VAV2: variants seen among roughly 807,000 people sequenced by gnomAD.
The protein encoded by VAV2 is guanine nucleotide exchange factor VAV2.
In VAV2, 67 loss-of-function variants were observed where a neutral mutation model predicts 132.5. That is an observed-to-expected ratio of 0.51 (90% CI 0.42 to 0.62). The LOEUF is 0.62. VAV2 is among the 20% of genes least tolerant of loss of function. The pLI, the probability that VAV2 is intolerant of heterozygous loss-of-function variation, is 0.00. For missense variants in VAV2, 938 were observed against 1,153.6 expected (o/e 0.81, Z 2.71); for synonymous variants, 492 against 443.5 (o/e 1.11, Z -1.37).
chr9:133,899,743 C>T (rs1588337697), intron 2 of VAV2, among the ~76,000 whole-genome samples: 3 of 143,682 alleles, frequency 2.1e-5, no homozygotes, highest in South Asian at 5.1e-4. Flanking sequence ...CTGGGTGTGC[C>T]GGGCGTGGTG....
At chr9:133,776,701 A>C (rs1273371138) in intron 23 of VAV2, among the ~76,000 whole-genome samples, 1 of 152,162 alleles carries the variant, frequency 6.6e-6, no homozygotes, top group Non-Finnish European at 1.5e-5. Context: ...TTGGTCACGC[A>C]AAGTGCCCTA....
intron 29 of VAV2, among the ~76,000 whole-genome samples, chr9:133,764,752 A>G (rs1564322512): frequency 6.6e-6 from 1 of 152,246 alleles, no homozygotes; most frequent in Non-Finnish European, 1.5e-5. Flanking sequence ...AATTGTGGAA[A>G]TAATATGAGG....
rs1445642950 is a variant in VAV2, at chr9:133,870,041, A to C, written c.322-8609T>G. Among the ~76,000 whole-genome samples the C allele has an allele frequency of 2.6e-5, 4 of 152,086 alleles. 1 individual carries two copies. On this transcript the variant is annotated intron_variant, in intron 2 of 29. Coordinates refer to ENST00000371850, the MANE Select transcript of VAV2 (RefSeq NM_001134398.2). Reference sequence around the variant, plus strand: ...TTTTTCTTGTGGAAAGCACGGACAGAAAAATTTGGGGTACTTGCCTTCAGA... The same window carrying C: ...TTTTTCTTGTGGAAAGCACGGACAGCAAAATTTGGGGTACTTGCCTTCAGA...
chr9:133,949,570 C>T (rs547273532), intron 1 of VAV2, among the ~76,000 whole-genome samples: 1 of 152,168 alleles, frequency 6.6e-6, no homozygotes, highest in Non-Finnish European at 1.5e-5. Flanking sequence ...CCTGCCCCCT[C>T]GAATGGCGGG....
At chr9:133,946,307 A>T (rs1309529461) in intron 1 of VAV2, among the ~76,000 whole-genome samples, 1 of 152,244 alleles carries the variant, frequency 6.6e-6, no homozygotes, top group Non-Finnish European at 1.5e-5. Context: ...TGGCCAGAGC[A>T]GCCCAGCAAC....
In VAV2 at chr9:133,885,550, A is replaced by G. The variant is rs924244160; in HGVS notation, c.322-24118T>C. Among the ~76,000 whole-genome samples, 4 of 152,220 alleles carry G rather than the reference A, an allele frequency of 2.6e-5. No homozygotes were observed. The highest frequency in any genetic ancestry group is 4.4e-5 in the Non-Finnish European group (3 of 68,042). On this transcript the variant is annotated intron_variant, in intron 2 of 29. Coordinates refer to ENST00000371850, the MANE Select transcript of VAV2 (RefSeq NM_001134398.2). This position sits in a 1 kb window ranked among gnomAD's most constrained non-coding sequence, Gnocchi z 5.0. ...TGCACCGCCAGGAGCGTGCAATGCCATTCAGATTTTACACAAGCAAGGTGC... is the reference window on the plus strand; with the variant it reads ...TGCACCGCCAGGAGCGTGCAATGCCGTTCAGATTTTACACAAGCAAGGTGC...
At chr9:133,800,875 A>G (rs925156348) in intron 9 of VAV2, among the ~76,000 whole-genome samples, 14 of 152,200 alleles carry the variant, frequency 9.2e-5, no homozygotes, top group African/African-American at 2.9e-4. Flanking sequence ...TCGTCTGTCA[A>G]AACTCTTCCC....
rs372692764 is a variant in VAV2, at chr9:133,934,574, T to C, written c.321+4529A>G. On this transcript the variant is annotated intron_variant, in intron 2 of 29. Coordinates refer to ENST00000371850, the MANE Select transcript of VAV2 (RefSeq NM_001134398.2). ...TGATTCCCTCTCCCTCTCCTGGAGC[T>C]GGGACTCTTGGTCTCCTGCCCCCAG... Among the ~76,000 whole-genome samples the C allele has an allele frequency of 2.3e-3, 357 of 152,358 alleles. 5 individuals are homozygous for C. The highest frequency in any genetic ancestry group is 8.0e-3 in the African/African-American group (332 of 41,582).
intron 4 of VAV2, among the ~76,000 whole-genome samples, chr9:133,817,480 C>T (rs532061979): frequency 1.1e-4 from 17 of 152,202 alleles, no homozygotes; most frequent in Admixed American, 1.0e-3. Flanking sequence ...TGGTGAAACC[C>T]CATCTCTACT....
chr9:133,990,148 C>T (rs1392717699), intron 1 of VAV2, among the ~76,000 whole-genome samples: 2 of 152,074 alleles, frequency 1.3e-5, no homozygotes, highest in Non-Finnish European at 2.9e-5. Context: ...TCAATCAGAG[C>T]GGAGAGCCAC....
intron 4 of VAV2, among the ~76,000 whole-genome samples, chr9:133,831,830 G>A (rs1164656658): frequency 6.6e-6 from 1 of 152,232 alleles, no homozygotes; most frequent in Non-Finnish European, 1.5e-5. Flanking sequence ...CAGGCTCTGT[G>A]TGGTGGGGGG....
intron 2 of VAV2, among the ~76,000 whole-genome samples, chr9:133,930,379 T>TTCC: frequency 1.0e-4 from 1 of 9,568 alleles, no homozygotes; most frequent in African/African-American, 1.7e-4. Context: ...CCCTGCCTCC[T>TTCC]TGCTGCCTCC....
chr9:133,771,070 T>C (rs1167130943), intron 26 of VAV2, among the ~76,000 whole-genome samples: 7 of 148,710 alleles, frequency 4.7e-5, no homozygotes, highest in Non-Finnish European at 7.5e-5. Context: ...TTCTTTTTTT[T>C]TTTTTTTTTT....
chr9:133,826,780 G>A lies in VAV2; in HGVS notation c.449+7492C>T, dbSNP rs1033727918. ...CCCTTCAATTCCCCTAAGAATTCTC[G>A]GGGACCTCTGACCTGCCGGCACCAC... is the stretch of plus-strand genomic sequence containing the variant. On this transcript the variant is annotated intron_variant, in intron 4 of 29. Transcript: ENST00000371850. The surrounding 1 kb of genome is among the most constrained non-coding windows in gnomAD (Gnocchi z 4.2). Among the ~76,000 whole-genome samples, 3 of 152,200 alleles carry A rather than the reference G, an allele frequency of 2.0e-5. No individual in the cohort carries two copies. The highest frequency in any genetic ancestry group is 4.2e-4 in the South Asian group (2 of 4,816).
chr9:133,899,495 G>T (rs1839354538), intron 2 of VAV2, among the ~76,000 whole-genome samples: 4 of 151,748 alleles, frequency 2.6e-5, no homozygotes, highest in Admixed American at 2.6e-4. Context: ...CGCAATCTCT[G>T]CCTCCTGGGT....
rs555684182 is a variant in VAV2 at position 133,976,972 on chromosome 9, T to C, written c.204+15103A>G. ...CCTAGGTCCTAACCACACTGCCCTGTGCCTGGACACCCCAAGGCTGAAGGG... is the reference window on the plus strand; with the variant it reads ...CCTAGGTCCTAACCACACTGCCCTGCGCCTGGACACCCCAAGGCTGAAGGG... On this transcript the variant is annotated intron_variant, in intron 1 of 29. Coordinates refer to ENST00000371850, the MANE Select transcript of VAV2 (RefSeq NM_001134398.2). 2.0e-4 allele frequency among the ~76,000 whole-genome samples: 31 copies of C among 152,306 alleles called. 1 individual carries two copies. In the South Asian group the frequency reaches 6.2e-3, roughly 31 times the overall value.
intron 2 of VAV2, among the ~76,000 whole-genome samples, chr9:133,927,212 G>T (rs1012575764): frequency 2.0e-5 from 3 of 152,090 alleles, no homozygotes; most frequent in African/African-American, 7.2e-5. Flanking sequence ...CCCAGGAGTG[G>T]GAAACCCCTG....
intron 1 of VAV2, among the ~76,000 whole-genome samples, chr9:133,945,833 C>T (rs1841338494): frequency 6.6e-6 from 1 of 152,246 alleles, no homozygotes; most frequent in Admixed American, 6.5e-5. Context: ...GCCTCTTGCA[C>T]ACAACCACAT....
intron 3 of VAV2, among the ~76,000 whole-genome samples, chr9:133,855,813 TTC>T (rs1837362914): frequency 6.6e-6 from 1 of 152,222 alleles, no homozygotes. Flanking sequence ...TTACTTCCAT[TTC>T]TCTCACTCCA....
Sources: gnomAD v4.1 joint callset for allele counts (sites outside exome capture counted in the v4.1 genomes callset) on GRCh38, gnomAD v4.1.1 for gene constraint, Gnocchi (gnomAD v3.1) non-coding constraint, MANE v1.5 for transcripts, NCBI Gene and HGNC (gene_info 2026-07-23, HGNC 2026-07-21) for gene names.